The following CTNND2 variants were observed in gnomAD, a reference collection of about 807,000 sequenced individuals.
CTNND2 encodes catenin delta-2.
A neutral mutation model predicts 144.4 loss-of-function variants in CTNND2; 22 were observed. That is an observed-to-expected ratio of 0.15 (90% CI 0.11 to 0.22). The LOEUF is 0.22. Among genes scored for constraint, CTNND2 ranks in the 10% least tolerant of loss-of-function variants. The probability of loss-of-function intolerance (pLI) is 1.00; values close to 1 mark genes in which losing one functional copy is unlikely to be tolerated. For synonymous variants in CTNND2, 751 were observed against 695.6 expected (o/e 1.08, Z -1.25); for missense variants, 1,353 against 1,618.8 (o/e 0.84, Z 2.82).
chr5:11,316,531 T>G (rs2150061214), intron 9 of CTNND2, among the ~76,000 whole-genome samples: 1 of 150,550 alleles, frequency 6.6e-6, no homozygotes, highest in African/African-American at 2.4e-5. Flanking sequence ...AGGGTACATG[T>G]GCACAATGTG....
At chr5:11,324,950 C>CTTTT (rs11381791) in intron 9 of CTNND2, among the ~76,000 whole-genome samples, 1 of 146,616 alleles carries the variant, frequency 6.8e-6, no homozygotes, top group Non-Finnish European at 1.5e-5. Flanking sequence ...ATGCATTATC[C>CTTTT]TTTTTTTTTT....
intron 3 of CTNND2, among the ~76,000 whole-genome samples, chr5:11,420,587 G>C (rs563965359): frequency 1.3e-5 from 2 of 152,250 alleles, no homozygotes; most frequent in Admixed American, 6.5e-5. Context: ...TTAGGCCGCT[G>C]TTGCCCTGTT....
At chr5:11,424,353 G>A (rs1186095296) in intron 3 of CTNND2, among the ~76,000 whole-genome samples, 1 of 152,160 alleles carries the variant, frequency 6.6e-6, no homozygotes, top group Non-Finnish European at 1.5e-5. Context: ...GGCTAAAAAG[G>A]GGTAGCACGG....
intron 11 of CTNND2, among the ~76,000 whole-genome samples, chr5:11,163,645 T>C (rs1427204898): frequency 6.6e-6 from 1 of 152,176 alleles, no homozygotes; most frequent in African/African-American, 2.4e-5. Flanking sequence ...TTTTTCCCTC[T>C]CGCCTTCCCA....
intron 10 of CTNND2, among the ~76,000 whole-genome samples, chr5:11,230,291 G>A (rs1034278037): frequency 8.0e-5 from 12 of 150,056 alleles, no homozygotes; most frequent in East Asian, 2.0e-4. Context: ...TGGGTGCAGC[G>A]CACCAGCATG....
At chr5:11,127,933 AGAGGG>A in intron 12 of CTNND2, among the ~76,000 whole-genome samples, 1 of 111,176 alleles carries the variant, frequency 9.0e-6, no homozygotes, top group East Asian at 6.1e-4. Context: ...TTTGGAGGCC[AGAGGG>A]TGGACTGTGG....
chr5:11,644,817 C>T (rs555804833), intron 2 of CTNND2, among the ~76,000 whole-genome samples: 28 of 152,196 alleles, frequency 1.8e-4, no homozygotes, highest in African/African-American at 6.5e-4. Context: ...ACCCATAAGT[C>T]AAACTGTGGA....
chr5:11,496,468 G>A (rs527591933), intron 3 of CTNND2, among the ~76,000 whole-genome samples: 16 of 152,260 alleles, frequency 1.1e-4, no homozygotes, highest in African/African-American at 3.4e-4. Flanking sequence ...TGCACATGAC[G>A]CAGAAAATAG....
chr5:11,426,596 A>G (rs1046600063), intron 3 of CTNND2, among the ~76,000 whole-genome samples: 1 of 152,160 alleles, frequency 6.6e-6, no homozygotes, highest in African/African-American at 2.4e-5. Context: ...TGGACTCATG[A>G]TGTGTTGTGG....
Position 10,982,751 on chromosome 5 carries a change from T to G in CTNND2, c.3344-905A>C, listed in dbSNP as rs183953999. 5.2e-3 allele frequency among the ~76,000 whole-genome samples: 795 copies of G among 152,348 alleles called. 7 individuals are homozygous for G. The highest frequency in any genetic ancestry group is 0.018 in the African/African-American group (766 of 41,584). On this transcript the variant is annotated intron_variant, in intron 20 of 21. Coordinates refer to ENST00000304623, the MANE Select transcript of CTNND2 (RefSeq NM_001332.4). ...AGCCTAGATGTGGAATCAACCCAAGTGTCCACCAACAGATGAATGGTTAAA... is the reference window on the plus strand; with the variant it reads ...AGCCTAGATGTGGAATCAACCCAAGGGTCCACCAACAGATGAATGGTTAAA...
chr5:11,566,414 C>T (rs1777106687), intron 2 of CTNND2, among the ~76,000 whole-genome samples: 1 of 152,008 alleles, frequency 6.6e-6, no homozygotes, highest in Non-Finnish European at 1.5e-5. Context: ...AGTCCTACTG[C>T]TTTTTTTTCT....
chr5:11,047,721 A>G (rs1190863054), intron 16 of CTNND2, among the ~76,000 whole-genome samples: 7 of 152,082 alleles, frequency 4.6e-5, no homozygotes, highest in Admixed American at 4.6e-4. Flanking sequence ...TGTGAGTGCC[A>G]TTTTTTCTGT....
At chr5:11,405,626 A>G (rs1404655428) in intron 5 of CTNND2, among the ~76,000 whole-genome samples, 1 of 151,968 alleles carries the variant, frequency 6.6e-6, no homozygotes, top group Non-Finnish European at 1.5e-5. Context: ...AAACAGGTAG[A>G]AATACTTTCT....
At chr5:11,133,443 C>T (rs919391214) in intron 12 of CTNND2, among the ~76,000 whole-genome samples, 3 of 152,134 alleles carry the variant, frequency 2.0e-5, no homozygotes, top group African/African-American at 2.4e-5. Context: ...ACCTCTGCCT[C>T]GCGGGTTCAA....
chr5:11,366,813 T>C (rs1757027784), intron 7 of CTNND2, among the ~76,000 whole-genome samples: 1 of 152,180 alleles, frequency 6.6e-6, no homozygotes, highest in South Asian at 2.1e-4. Flanking sequence ...TGATGACCAA[T>C]GAGAGGATCT....
chr5:11,442,775 A>G (rs1164683757), intron 3 of CTNND2, among the ~76,000 whole-genome samples: 6 of 147,880 alleles, frequency 4.1e-5, no homozygotes, highest in Admixed American at 1.4e-4. Flanking sequence ...TGAGATTGCA[A>G]TCATTATATA....
intron 12 of CTNND2, among the ~76,000 whole-genome samples, chr5:11,149,613 G>A (rs1194668956): frequency 6.6e-6 from 1 of 152,064 alleles, no homozygotes; most frequent in Non-Finnish European, 1.5e-5. Context: ...AATGGGGAGC[G>A]ATGATGTATT....
At chr5:11,866,614 G>A (rs1161919991) in intron 1 of CTNND2, among the ~76,000 whole-genome samples, 4 of 152,222 alleles carry the variant, frequency 2.6e-5, no homozygotes, top group African/African-American at 7.2e-5. Flanking sequence ...CCTAAAGTGT[G>A]CAGCACAGTG....
At chr5:11,783,285 C>T (rs1022913749) in intron 1 of CTNND2, among the ~76,000 whole-genome samples, 10 of 152,126 alleles carry the variant, frequency 6.6e-5, no homozygotes, top group African/African-American at 2.4e-4. Flanking sequence ...CCTCCACTGA[C>T]AACTGTCTAA....
Sources: allele counts gnomAD v4.1 joint callset (sites outside exome capture counted in the v4.1 genomes callset), GRCh38; gene constraint gnomAD v4.1.1; transcripts MANE v1.5; gene names NCBI Gene and HGNC (gene_info 2026-07-23, HGNC 2026-07-21).